METTL15: variants seen among roughly 807,000 people sequenced by gnomAD.
METTL15 encodes the protein 12S rRNA N(4)-cytidine methyltransferase METTL15.
Under a neutral mutation model 38.3 loss-of-function variants are expected in METTL15, and 34 were observed. The ratio of observed to expected loss-of-function variants is 0.89; its 90% confidence interval spans 0.68 to 1.18. METTL15 has a LOEUF of 1.18. METTL15 is among the 50% of genes most tolerant of loss of function. The probability of loss-of-function intolerance (pLI) is 0.00; values close to 1 mark genes in which losing one functional copy is unlikely to be tolerated. For synonymous variants in METTL15, 162 were observed against 170.9 expected (o/e 0.95, Z 0.41); for missense variants, 438 against 498.4 (o/e 0.88, Z 1.15).
At chr11:28,216,075 T>G (rs1852853679) in intron 4 of METTL15, among the ~76,000 whole-genome samples, 1 of 150,088 alleles carries the variant, frequency 6.7e-6, no homozygotes. Flanking sequence ...TGAAAAGAGT[T>G]AATGCTCCCT....
chr11:28,363,258 C>T (rs1850156219), intron 5 of METTL15, among the ~76,000 whole-genome samples: 1 of 152,162 alleles, frequency 6.6e-6, no homozygotes. Context: ...ACTGCAACCT[C>T]TGCCTCCTGG....
At chr11:28,406,152 A>G (rs922526022) in intron 5 of METTL15, among the ~76,000 whole-genome samples, 1 of 152,096 alleles carries the variant, frequency 6.6e-6, no homozygotes, top group Non-Finnish European at 1.5e-5. Flanking sequence ...AAGAATGTCA[A>G]TGGTAGTTTA....
At chr11:28,323,538 A>G (rs1389913042) in intron 6 of METTL15, among the ~76,000 whole-genome samples, 1 of 152,210 alleles carries the variant, frequency 6.6e-6, no homozygotes, top group Non-Finnish European at 1.5e-5. Context: ...ATGAAGGTAG[A>G]TCTTCTAAGT....
At position 28,217,586 on chromosome 11, in the gene METTL15, G is replaced by A. The variant is rs570555021; in HGVS notation, c.407+6388G>A. Among the ~76,000 whole-genome samples the A allele has an allele frequency of 3.1e-3, 469 of 152,204 alleles. 3 individuals are homozygous for A. Among genetic ancestry groups the A allele is most frequent in the Non-Finnish European group, 5.6e-3 (381 of 68,024 alleles). On this transcript the variant is annotated intron_variant, in intron 4 of 6. Coordinates refer to ENST00000407364, the MANE Select transcript of METTL15 (RefSeq NM_001113528.2). ...AATTAGATCCCATTTGTCAATTTTGGCTTTTGTTCCCATTGCTTTTGGTGT... is the reference window on the plus strand; with the variant it reads ...AATTAGATCCCATTTGTCAATTTTGACTTTTGTTCCCATTGCTTTTGGTGT...
At chr11:28,502,397 G>A (rs1049033360) in intron 6 of METTL15, among the ~76,000 whole-genome samples, 1 of 152,184 alleles carries the variant, frequency 6.6e-6, no homozygotes, top group African/African-American at 2.4e-5. Context: ...TAAACAATAT[G>A]TAAATGAGCA....
At chr11:28,316,550 T>C (rs2134037109) in intron 6 of METTL15, among the ~76,000 whole-genome samples, 1 of 152,204 alleles carries the variant, frequency 6.6e-6, no homozygotes, top group African/African-American at 2.4e-5. Flanking sequence ...AGTTAAGAGT[T>C]TGGGGGACTG....
chr11:28,442,629 G>A (rs1003729085), intron 6 of METTL15, among the ~76,000 whole-genome samples: 2 of 152,124 alleles, frequency 1.3e-5, no homozygotes, highest in Non-Finnish European at 2.9e-5. Context: ...CTCCTTGCCT[G>A]AACTGTTCAG....
chr11:28,294,423 C>T (rs1053103250), intron 5 of METTL15, among the ~76,000 whole-genome samples: 2 of 152,132 alleles, frequency 1.3e-5, no homozygotes, highest in Admixed American at 6.6e-5. Flanking sequence ...ACTTCCTTAA[C>T]CAGTCGCCAT....
In METTL15 at chr11:28,290,250, C is replaced by T. The variant is rs1181069221; in HGVS notation, c.452C>T (p.Ala151Val). The T allele has an allele frequency of 6.2e-7, 1 of 1,613,032 alleles. No individual in the cohort carries two copies. Among genetic ancestry groups the T allele is most frequent in the Non-Finnish European group, 8.5e-7 (1 of 1,179,484 alleles). Residue 151 changes from alanine to valine, a missense_variant, in exon 5 of 7, where the codon GCC becomes GTC. Ala to Val is a moderately conservative substitution (Grantham distance 64). Transcript: ENST00000407364. ...AMLGQFSQAEALLMKAGVQPG... is the reference protein window; with the variant it reads ...AMLGQFSQAEVLLMKAGVQPG... ...CTGGGCCAGTTCAGCCAGGCAGAAG[C>T]CTTATTAATGAAAGCTGGAGTGCAG...
chr11:28,395,864 C>T (rs921546336), intron 5 of METTL15, among the ~76,000 whole-genome samples: 13 of 152,146 alleles, frequency 8.5e-5, no homozygotes, highest in Admixed American at 5.9e-4. Flanking sequence ...ACTGGCAAAC[C>T]GAATCCAGCA....
intron 6 of METTL15, among the ~76,000 whole-genome samples, chr11:28,310,964 G>GT (rs1857273474): frequency 6.9e-4 from 86 of 124,654 alleles, no homozygotes; most frequent in African/African-American, 3.0e-3. Context: ...TGGTGGTGGT[G>GT]GGTGTGTGTG....
chr11:28,236,742 G>T (rs1414137399), intron 4 of METTL15, among the ~76,000 whole-genome samples: 3 of 152,154 alleles, frequency 2.0e-5, no homozygotes, highest in Admixed American at 1.3e-4. Context: ...GCTGGTACCA[G>T]TTGTGCCTTT....
intron 6 of METTL15, among the ~76,000 whole-genome samples, chr11:28,488,812 G>C (rs968048840): frequency 3.9e-5 from 6 of 152,050 alleles, no homozygotes; most frequent in African/African-American, 9.7e-5. Flanking sequence ...TAGACCTGCT[G>C]TTCCTACTTC....
intron 3 of METTL15, among the ~76,000 whole-genome samples, chr11:28,173,962 C>G (rs1850955503): frequency 6.6e-6 from 1 of 152,116 alleles, no homozygotes; most frequent in African/African-American, 2.4e-5. Context: ...TATGTACTAT[C>G]AATATGATTT....
chr11:28,209,415 G>A (rs1446998092), intron 3 of METTL15, among the ~76,000 whole-genome samples: 2 of 151,936 alleles, frequency 1.3e-5, no homozygotes, highest in Non-Finnish European at 2.9e-5. Context: ...TGTAAAATAA[G>A]TGACTGGCAA....
At chr11:28,487,810 A>C (rs577400558) in intron 6 of METTL15, among the ~76,000 whole-genome samples, 108 of 152,254 alleles carry the variant, frequency 7.1e-4, no homozygotes, top group African/African-American at 2.5e-3. Flanking sequence ...GTGGCACTAC[A>C]ATGTTGAATT....
At chr11:28,510,315 A>G (rs1851663854) in intron 6 of METTL15, among the ~76,000 whole-genome samples, 1 of 152,236 alleles carries the variant, frequency 6.6e-6, no homozygotes, top group Non-Finnish European at 1.5e-5. Flanking sequence ...CAAGATATTA[A>G]AAAATATGTT....
intron 6 of METTL15, among the ~76,000 whole-genome samples, chr11:28,312,346 A>C (rs1857334183): frequency 6.6e-6 from 1 of 152,214 alleles, no homozygotes; most frequent in South Asian, 2.1e-4. Context: ...CTTCCTAAAA[A>C]GAAGAAAAAA....
chr11:28,156,175 C>T (rs929375716), intron 3 of METTL15, among the ~76,000 whole-genome samples: 2 of 151,984 alleles, frequency 1.3e-5, no homozygotes, highest in African/African-American at 4.8e-5. Flanking sequence ...GAAGTCACCT[C>T]ATAAAAAAAT....
Sources: allele counts gnomAD v4.1 joint callset (sites outside exome capture counted in the v4.1 genomes callset), GRCh38; gene constraint gnomAD v4.1.1; transcripts MANE v1.5; gene names NCBI Gene and HGNC (gene_info 2026-07-23, HGNC 2026-07-21).